Variants in TENM1 observed in about 807,000 individuals in gnomAD.
The protein encoded by TENM1 is teneurin-1.
TENM1 carries 35 observed loss-of-function variants against 174.8 expected under a neutral mutation model. The ratio of observed to expected loss-of-function variants is 0.20; its 90% CI spans 0.15 to 0.27. The LOEUF (loss-of-function observed/expected upper bound fraction) is 0.27, where lower values mean the gene tolerates loss of function less well. Ranked by LOEUF, TENM1 falls within the 10% of genes least tolerant of loss-of-function variation. The pLI is 1.00. For synonymous variants in TENM1, 781 were observed against 798.7 expected, an observed-to-expected ratio of 0.98 and a Z score of 0.37; for missense variants, 1,633 against 2,130.1, an observed-to-expected ratio of 0.77 and a Z score of 4.59.
At chrX:124,998,230 G>A in the TENM1 span, among the ~76,000 whole-genome samples, 1 of 109,794 alleles carries the variant, frequency 9.1e-6, no homozygotes, top group Non-Finnish European at 1.9e-5. Context: ...CCATAAAGAA[G>A]TATAGTCCCT....
intron 1 of TENM1, among the ~76,000 whole-genome samples, chrX:124,901,795 C>A (rs2057668584): frequency 9.0e-6 from 1 of 111,543 alleles, no homozygotes; most frequent in Non-Finnish European, 1.9e-5. Flanking sequence ...AAAATTCTAC[C>A]TCCCCATGCT....
rs777669282 is a variant in TENM1, at chrX:124,597,841, C to T, written c.2078-32281G>A. ...TTGGGCAAAAAGTTGTTGAATAATA[C>T]CCCACAAGCATAGGCAACCAAAGCA... On this transcript the variant is annotated intron_variant, in intron 11 of 31. Coordinates refer to ENST00000422452, the Ensembl canonical transcript of TENM1. Among the ~76,000 whole-genome samples the T allele has an allele frequency of 3.6e-5, 4 of 111,192 alleles. No individual in the cohort carries two copies. The South Asian group carries it at 1.5e-3, about 42-fold the overall frequency.
chrX:125,073,118 C>A, the TENM1 span, among the ~76,000 whole-genome samples: 1 of 110,889 alleles, frequency 9.0e-6, no homozygotes, highest in Non-Finnish European at 1.9e-5. Context: ...GTTATTAATC[C>A]TCTAAGAACT....
intron 18 of TENM1, among the ~76,000 whole-genome samples, chrX:124,506,791 A>G (rs2266898): frequency 0.15 from 16,239 of 111,503 alleles, 922 homozygotes; most frequent in Middle Eastern, 0.21. Flanking sequence ...CCAAGCTCAC[A>G]AGAACTAGCA....
intron 3 of TENM1, among the ~76,000 whole-genome samples, chrX:124,748,688 G>T (rs2053993397): frequency 8.9e-6 from 1 of 111,951 alleles, no homozygotes; most frequent in South Asian, 3.7e-4. Context: ...GTTTAAATTA[G>T]TAAGTACATC....
chrX:124,943,725 G>A (rs927027460), intron 1 of TENM1, among the ~76,000 whole-genome samples: 27 of 112,178 alleles, frequency 2.4e-4, no homozygotes, highest in African/African-American at 8.4e-4. Flanking sequence ...GGAAGCTCAT[G>A]CCATAGCTTA....
intron 1 of TENM1, among the ~76,000 whole-genome samples, chrX:124,952,062 A>G (rs964558516): frequency 1.8e-5 from 2 of 110,961 alleles, no homozygotes; most frequent in Non-Finnish European, 3.8e-5. Context: ...GGTAGTCTGA[A>G]GGAAACCAAT....
chrX:124,869,216 G>C, intron 3 of TENM1, among the ~76,000 whole-genome samples: 1 of 109,778 alleles, frequency 9.1e-6, no homozygotes, highest in Admixed American at 9.7e-5. Flanking sequence ...CTGGGCCACA[G>C]AGCGAGACCC....
At chrX:124,648,208 C>T (rs1025012083) in intron 8 of TENM1, among the ~76,000 whole-genome samples, 1 of 111,990 alleles carries the variant, frequency 8.9e-6, no homozygotes, top group Non-Finnish European at 1.9e-5. Context: ...AAATAGTAAC[C>T]TTCCATAGTT....
At chrX:124,944,281 T>A (rs1355633992) in intron 1 of TENM1, among the ~76,000 whole-genome samples, 1 of 111,309 alleles carries the variant, frequency 9.0e-6, no homozygotes, top group East Asian at 2.8e-4. Context: ...AAAAGAAAAA[T>A]TCATCTGTAT....
chrX:124,435,981 C>T (rs2060832108), intron 23 of TENM1, among the ~76,000 whole-genome samples: 2 of 111,811 alleles, frequency 1.8e-5, no homozygotes, highest in African/African-American at 6.5e-5. Context: ...ATCACCCTCA[C>T]GAATAGCAAA....
chrX:125,031,103 C>T, the TENM1 span, among the ~76,000 whole-genome samples: 13 of 109,902 alleles, frequency 1.2e-4, no homozygotes, highest in Non-Finnish European at 1.1e-4. Flanking sequence ...TTTAACTCTT[C>T]CCCTCCTCCC....
chrX:125,195,864 G>A, the TENM1 span, among the ~76,000 whole-genome samples: 1 of 110,311 alleles, frequency 9.1e-6, no homozygotes, highest in African/African-American at 3.3e-5. Flanking sequence ...ATCAGAAGAA[G>A]AATAAAAAGA....
chrX:124,559,335 T>C (rs933503130), intron 14 of TENM1, among the ~76,000 whole-genome samples: 7 of 111,594 alleles, frequency 6.3e-5, no homozygotes, highest in African/African-American at 2.3e-4. Context: ...TTACTTGACT[T>C]CTCTGTGTCT....
At chrX:125,163,748 T>C in the TENM1 span, among the ~76,000 whole-genome samples, 6 of 111,861 alleles carry the variant, frequency 5.4e-5, no homozygotes, top group Non-Finnish European at 9.4e-5. Flanking sequence ...ATATAATTTT[T>C]AATTTATACA....
At chrX:124,434,960 T>C (rs1389933295) in intron 23 of TENM1, among the ~76,000 whole-genome samples, 1 of 112,084 alleles carries the variant, frequency 8.9e-6, no homozygotes, top group Non-Finnish European at 1.9e-5. Context: ...CTATTTTAAT[T>C]TAATTTTACA....
At chrX:124,967,432 T>C (rs2058740205), upstream of TENM1, among the ~76,000 whole-genome samples, 1 of 111,449 alleles carries the variant, frequency 9.0e-6, no homozygotes, top group Non-Finnish European at 1.9e-5. Flanking sequence ...GCTTCCCCGG[T>C]CCATCCCATA....
rs192990473 is a variant in TENM1 at position 124,425,745 on chromosome X, C to T, written c.4105-3107G>A. On this transcript the variant is annotated intron_variant, in intron 23 of 31. Transcript: ENST00000422452. ...CACATGTCCAGTTTTGTTTTGATGG[C>T]TGTGGGAAGCCACTGAAGGGCTTTA... Among the ~76,000 whole-genome samples the T allele has an allele frequency of 7.2e-5, 8 of 111,742 alleles. No individual in the cohort carries two copies. The Admixed American group carries it at 7.6e-4, about 11-fold the overall frequency.
intron 9 of TENM1, 66 bp downstream of exon 12, chrX:124,646,643 A>G: frequency 1.3e-6 from 1 of 792,660 alleles, no homozygotes; most frequent in African/African-American, 2.0e-5. Flanking sequence ...GACTATTACT[A>G]CTAATTCTGG....
Sources: gnomAD v4.1 joint callset for allele counts (sites outside exome capture counted in the v4.1 genomes callset) on GRCh38, gnomAD v4.1.1 for gene constraint, MANE v1.5 for transcripts, NCBI Gene and HGNC (gene_info 2026-07-23, HGNC 2026-07-21) for gene names.